BCAR3: variants seen among roughly 807,000 people sequenced by gnomAD.
BCAR3 encodes the protein BCAR3 adaptor protein, NSP family member.
In BCAR3, 37 loss-of-function variants were observed where a neutral mutation model predicts 80.1. The ratio of observed to expected loss-of-function variants is 0.46; its 90% CI spans 0.36 to 0.61. The LOEUF is 0.61. BCAR3 is among the 20% of genes least tolerant of loss of function. The pLI is 0.00. For synonymous variants in BCAR3, 389 were observed against 418.9 expected (o/e 0.93, Z 0.87); for missense variants, 978 against 1,068.2 (o/e 0.92, Z 1.18).
At chr1:93,845,627 T>C (rs1655149832) in exon 2 of BCAR3, 1 of 151,978 alleles carries the variant, frequency 6.6e-6, no homozygotes, top group South Asian at 2.1e-4. Flanking sequence ...GTGCCAAGAA[T>C]GCAAGACCCT....
At chr1:93,689,743 C>G (rs1205690367) in intron 3 of BCAR3, among the ~76,000 whole-genome samples, 1 of 152,068 alleles carries the variant, frequency 6.6e-6, no homozygotes, top group Non-Finnish European at 1.5e-5. Context: ...TTCAGGCTAC[C>G]CTGGGGTTGG....
intron 2 of BCAR3, among the ~76,000 whole-genome samples, chr1:93,842,617 A>G (rs1654999388): frequency 1.3e-5 from 2 of 152,162 alleles, no homozygotes; most frequent in South Asian, 2.1e-4. Flanking sequence ...GACCCACTCC[A>G]TTCTGCCTGC....
At chr1:93,834,956 C>T (rs189389665) in intron 2 of BCAR3, among the ~76,000 whole-genome samples, 1 of 152,296 alleles carries the variant, frequency 6.6e-6, no homozygotes, top group Admixed American at 6.5e-5. Flanking sequence ...ACCCTGATTA[C>T]ACTTGGTTTA....
intron 3 of BCAR3, among the ~76,000 whole-genome samples, chr1:93,693,282 T>C (rs1649265263): frequency 1.3e-5 from 2 of 152,258 alleles, no homozygotes; most frequent in African/African-American, 2.4e-5. Flanking sequence ...GGCTAACCCC[T>C]GGTGCTGCCC....
chr1:93,613,324 T>C (rs1436816935), intron 3 of BCAR3, among the ~76,000 whole-genome samples: 1 of 152,228 alleles, frequency 6.6e-6, no homozygotes, highest in African/African-American at 2.4e-5. Flanking sequence ...TTGGCACCGG[T>C]GTCTTATAAC....
At chr1:93,601,112 A>G (rs1557855155) in intron 3 of BCAR3, among the ~76,000 whole-genome samples, 1 of 152,200 alleles carries the variant, frequency 6.6e-6, no homozygotes, top group Non-Finnish European at 1.5e-5. Context: ...ACCTTACAGG[A>G]CTATAGGACC....
intron 2 of BCAR3, among the ~76,000 whole-genome samples, chr1:93,833,722 G>GA (rs200555398): frequency 0.035 from 5,282 of 152,264 alleles, 100 homozygotes; most frequent in African/African-American, 0.044. Flanking sequence ...CTTGTTTCCT[G>GA]AAAATTGCTG....
intron 2 of BCAR3, among the ~76,000 whole-genome samples, chr1:93,765,401 T>A (rs563493870): frequency 6.6e-6 from 1 of 152,286 alleles, no homozygotes; most frequent in South Asian, 2.1e-4. Flanking sequence ...TTATTCTGAA[T>A]CTTGTGGGAC....
chr1:93,779,762 AG>A (rs1172185944), intron 2 of BCAR3, among the ~76,000 whole-genome samples: 1 of 152,210 alleles, frequency 6.6e-6, no homozygotes, highest in African/African-American at 2.4e-5. Flanking sequence ...ATTCTGCTAA[AG>A]GATTTTGCAG....
intron 3 of BCAR3, among the ~76,000 whole-genome samples, chr1:93,694,372 C>T (rs955580572): frequency 6.7e-6 from 1 of 149,574 alleles, no homozygotes; most frequent in African/African-American, 2.5e-5. Context: ...CGTGGGATCC[C>T]GGCTACTGTG....
chr1:93,750,167 A>T (rs1287943444), intron 2 of BCAR3, among the ~76,000 whole-genome samples: 2 of 152,204 alleles, frequency 1.3e-5, no homozygotes, highest in African/African-American at 4.8e-5. Context: ...TCAAAGAGCA[A>T]ACAGAGTTCT....
chr1:93,827,931 C>T (rs1248612019), intron 2 of BCAR3, among the ~76,000 whole-genome samples: 1 of 152,136 alleles, frequency 6.6e-6, no homozygotes, highest in Non-Finnish European at 1.5e-5. Flanking sequence ...GACCTTCTCC[C>T]ACCCTCATGT....
intron 2 of BCAR3, chr1:93,753,899 G>A: frequency 6.9e-6 from 1 of 145,632 alleles, no homozygotes. Context: ...ACACACACAT[G>A]CACCCTTCTG....
chr1:93,830,819 A>G (rs1236180983), intron 2 of BCAR3, among the ~76,000 whole-genome samples: 6 of 152,246 alleles, frequency 3.9e-5, no homozygotes, highest in African/African-American at 1.4e-4. Context: ...TCACTCTGTG[A>G]GGAGATCCAC....
At chr1:93,642,659 A>T (rs1484706908) in intron 2 of BCAR3, among the ~76,000 whole-genome samples, 1 of 152,236 alleles carries the variant, frequency 6.6e-6, no homozygotes, top group Non-Finnish European at 1.5e-5. Context: ...CAGAGGTGGG[A>T]GACAGGCAGG....
Position 93,824,698 on chromosome 1 carries a change from T to A in BCAR3, c.-63+20869A>T, listed in dbSNP as rs544352194. On this transcript the variant is annotated intron_variant, in intron 2 of 13. Transcript: ENST00000370244. ...TACTCTGGCTTTATTCCTCCCAGGC[T>A]TCCTGTCACACTAACCTCTTTGTCT... 1.5e-5 allele frequency among the ~76,000 whole-genome samples: 2 copies of A among 133,196 alleles called. 1 individual carries two copies. The highest frequency in any genetic ancestry group is 5.9e-4 in the East Asian group (2 of 3,410). 87.4% of individuals were successfully genotyped at this position (133,196 alleles called of 152,430 possible).
chr1:93,626,980 C>T (rs773924296), intron 3 of BCAR3, among the ~76,000 whole-genome samples: 20 of 152,120 alleles, frequency 1.3e-4, no homozygotes, highest in Non-Finnish European at 2.1e-4. Context: ...TTCTGAAAAA[C>T]GAACAAAGTG....
intron 7 of BCAR3, among the ~76,000 whole-genome samples, chr1:93,576,931 G>A (rs955382086): frequency 6.6e-6 from 1 of 152,194 alleles, no homozygotes; most frequent in Non-Finnish European, 1.5e-5. Flanking sequence ...AAGGTGGGGG[G>A]ACTGCTTGAG....
chr1:93,743,294 C>T (rs939185761), intron 2 of BCAR3, among the ~76,000 whole-genome samples: 5 of 152,074 alleles, frequency 3.3e-5, no homozygotes, highest in African/African-American at 4.8e-5. Context: ...ATTAATTAAT[C>T]GCACTTTCTC....
Sources: gnomAD v4.1 joint callset for allele counts (sites outside exome capture counted in the v4.1 genomes callset) on GRCh38, gnomAD v4.1.1 for gene constraint, MANE v1.5 for transcripts, NCBI Gene and HGNC (gene_info 2026-07-23, HGNC 2026-07-21) for gene names.